The following ARHGEF7 variants were observed in gnomAD, a reference collection of about 807,000 sequenced individuals.
The protein encoded by ARHGEF7 is PAK-interacting exchange factor beta.
Under a neutral mutation model 109.8 loss-of-function variants are expected in ARHGEF7, and 33 were observed. The ratio of observed to expected loss-of-function variants is 0.30; its 90% CI spans 0.23 to 0.40. ARHGEF7 has a LOEUF of 0.40. Among genes scored for constraint, ARHGEF7 ranks in the 10% least tolerant of loss-of-function variants. The pLI is 1.00. For missense variants in ARHGEF7, 938 were observed against 1,098.5 expected (o/e 0.85, Z 2.07); for synonymous variants, 458 against 424.6 (o/e 1.08, Z -0.97).
intron 2 of ARHGEF7, among the ~76,000 whole-genome samples, chr13:111,188,509 T>A (rs2153441246): frequency 6.6e-6 from 1 of 152,342 alleles, no homozygotes; most frequent in South Asian, 2.1e-4. Context: ...TACACGGTGC[T>A]GGATCCCCCA....
intron 2 of ARHGEF7, among the ~76,000 whole-genome samples, chr13:111,166,207 C>T (rs1009707115): frequency 7.9e-5 from 12 of 152,170 alleles, no homozygotes; most frequent in Admixed American, 2.6e-4. Context: ...TGATTTTGGT[C>T]ATTTTCCTCC....
chr13:111,155,166 G>T (rs991412003), intron 2 of ARHGEF7, among the ~76,000 whole-genome samples: 4 of 152,196 alleles, frequency 2.6e-5, no homozygotes, highest in African/African-American at 9.7e-5. Context: ...TATCCACCGG[G>T]ATCCTGGAAC....
intron 1 of ARHGEF7, among the ~76,000 whole-genome samples, chr13:111,126,920 G>A (rs1234804096): frequency 6.6e-6 from 1 of 152,262 alleles, no homozygotes; most frequent in East Asian, 1.9e-4. Context: ...TAAGTAGTAG[G>A]AGAAAGAGAA....
intron 19 of ARHGEF7, among the ~76,000 whole-genome samples, chr13:111,296,674 TTAA>T (rs1016256266): frequency 2.0e-5 from 3 of 152,310 alleles, no homozygotes; most frequent in African/African-American, 7.2e-5. Context: ...CCACAAGATG[TTAA>T]TAATGATATT....
chr13:111,171,462 T>G (rs539455479), intron 2 of ARHGEF7, among the ~76,000 whole-genome samples: 2 of 152,360 alleles, frequency 1.3e-5, no homozygotes, highest in Admixed American at 1.3e-4. Context: ...TAATTTCACT[T>G]TGTTTATAGA....
At chr13:111,188,387 G>C (rs1344386133) in intron 2 of ARHGEF7, among the ~76,000 whole-genome samples, 2 of 152,206 alleles carry the variant, frequency 1.3e-5, no homozygotes, top group African/African-American at 4.8e-5. Context: ...TTTAGAGTGA[G>C]TTGCCTGTAG....
chr13:111,120,472 TACAC>T (rs35570792), intron 1 of ARHGEF7, among the ~76,000 whole-genome samples: 179 of 150,700 alleles, frequency 1.2e-3, no homozygotes, highest in African/African-American at 3.0e-3. Flanking sequence ...TGCATGTAAA[TACAC>T]ACACACACAG....
intron 18 of ARHGEF7, among the ~76,000 whole-genome samples, chr13:111,291,259 G>T (rs1000690574): frequency 6.6e-6 from 1 of 152,272 alleles, no homozygotes; most frequent in Admixed American, 6.5e-5. Flanking sequence ...GCCATGGGCA[G>T]TGCTCATAGT....
At chr13:111,288,969 A>G (rs1039205440) in intron 18 of ARHGEF7, among the ~76,000 whole-genome samples, 7 of 152,180 alleles carry the variant, frequency 4.6e-5, no homozygotes, top group African/African-American at 1.7e-4. Context: ...TTTCAGAACC[A>G]CAGGATTTAC....
In ARHGEF7 at chr13:111,255,342, G is replaced by T. The variant is rs566214557; in HGVS notation, c.950+11048G>T. On this transcript the variant is annotated intron_variant, in intron 8 of 21. Transcript: ENST00000646102. The surrounding 1 kb of genome is among the most constrained non-coding windows in gnomAD (Gnocchi z 4.1). ...CTACTGCATGTGTGGGAAGAGGTGT[G>T]GCCCAGGTAAAGGTTAGGTTTGGAT... 9.8e-5 allele frequency among the ~76,000 whole-genome samples: 15 copies of T among 152,346 alleles called. No homozygotes were observed. The highest frequency in any genetic ancestry group is 3.6e-4 in the African/African-American group (15 of 41,572).
chr13:111,255,827 G>A lies in ARHGEF7; in HGVS notation c.950+11533G>A, dbSNP rs374698311. On this transcript the variant is annotated intron_variant, in intron 8 of 21. Coordinates refer to ENST00000646102, the MANE Select transcript of ARHGEF7 (RefSeq NM_001354046.2). The surrounding 1 kb of genome is among the most constrained non-coding windows in gnomAD (Gnocchi z 4.1). ...TTTTTCCTGTGGAAGGTGGGGTCAT[G>A]GTGCTTTCTTTTCAGTGCTGCGTTT... Among the ~76,000 whole-genome samples, 1 of 152,104 alleles carries A rather than the reference G, an allele frequency of 6.6e-6. No individual in the cohort carries two copies. Among genetic ancestry groups the A allele is most frequent in the African/African-American group, 2.4e-5 (1 of 41,428 alleles).
At chr13:111,162,560 G>A (rs554433916) in intron 2 of ARHGEF7, among the ~76,000 whole-genome samples, 70 of 152,250 alleles carry the variant, frequency 4.6e-4, no homozygotes, top group South Asian at 1.9e-3. Flanking sequence ...CTTTACAGTC[G>A]AGAGACTTCA....
chr13:111,176,946 G>A (rs1225179312), intron 2 of ARHGEF7, among the ~76,000 whole-genome samples: 2 of 152,118 alleles, frequency 1.3e-5, no homozygotes, highest in African/African-American at 2.4e-5. Context: ...TAATAGAGAC[G>A]GGGCTTCACC....
intron 5 of ARHGEF7, among the ~76,000 whole-genome samples, chr13:111,221,413 ATG>A (rs1383604400): frequency 6.2e-5 from 1 of 16,166 alleles, no homozygotes; most frequent in African/African-American, 1.6e-4. Flanking sequence ...ATATATATAG[ATG>A]TCTATATATC....
chr13:111,171,559 G>T (rs1006205494), intron 2 of ARHGEF7, among the ~76,000 whole-genome samples: 1 of 152,178 alleles, frequency 6.6e-6, no homozygotes, highest in African/African-American at 2.4e-5. Flanking sequence ...GAGGAAGTTG[G>T]CTCATTATGT....
At chr13:111,226,491 G>C (rs928865176) in intron 5 of ARHGEF7, among the ~76,000 whole-genome samples, 1 of 152,176 alleles carries the variant, frequency 6.6e-6, no homozygotes, top group African/African-American at 2.4e-5. Flanking sequence ...AACCAACTTT[G>C]CCTCTCTGCG....
chr13:111,123,081 G>A (rs932321931), intron 1 of ARHGEF7, among the ~76,000 whole-genome samples: 4 of 152,162 alleles, frequency 2.6e-5, no homozygotes, highest in African/African-American at 4.8e-5. Context: ...ACCTTGTAGC[G>A]CCTCCATCAA....
At chr13:111,275,933 G>T in intron 12 of ARHGEF7, 1 of 456,120 alleles carries the variant, frequency 2.2e-6, no homozygotes, top group South Asian at 2.1e-5. Context: ...TGAACTGAAG[G>T]ATAGATAGTG....
chr13:111,300,093 A>C (rs927062951), intron 19 of ARHGEF7, among the ~76,000 whole-genome samples: 1 of 152,202 alleles, frequency 6.6e-6, no homozygotes, highest in Non-Finnish European at 1.5e-5. Flanking sequence ...TCTAAAGTAC[A>C]TATTTTGCAA....
Sources: allele counts gnomAD v4.1 joint callset (sites outside exome capture counted in the v4.1 genomes callset), GRCh38; gene constraint gnomAD v4.1.1; non-coding constraint Gnocchi (gnomAD v3.1); transcripts MANE v1.5; gene names NCBI Gene and HGNC (gene_info 2026-07-23, HGNC 2026-07-21).